AGTR1: variants seen among roughly 807,000 people sequenced by gnomAD.
AGTR1 encodes angiotensin II receptor type 1.
A neutral mutation model predicts 19.4 loss-of-function variants in AGTR1; 16 were observed. The ratio of observed to expected loss-of-function variants is 0.82; its 90% confidence interval spans 0.56 to 1.25. AGTR1 has a LOEUF of 1.25. Among genes scored for constraint, AGTR1 ranks in the 50% most tolerant of loss-of-function variants. The probability of loss-of-function intolerance (pLI) is 0.00; values close to 1 mark genes in which losing one functional copy is unlikely to be tolerated. For missense variants in AGTR1, 373 were observed against 431.9 expected (o/e 0.86, Z 1.21); for synonymous variants, 153 against 154.9 (o/e 0.99, Z 0.09).
At chr3:148,740,507 A>G (rs181224086) in intron 2 of AGTR1, among the ~76,000 whole-genome samples, 65 of 152,328 alleles carry the variant, frequency 4.3e-4, no homozygotes, top group Non-Finnish European at 8.8e-5. Context: ...TAATCTTTAT[A>G]CCTAAGTAAA....
intron 2 of AGTR1, among the ~76,000 whole-genome samples, chr3:148,720,257 A>AAC (rs1418195957): frequency 4.6e-5 from 7 of 151,956 alleles, no homozygotes; most frequent in Admixed American, 2.0e-4. Context: ...ATCAAGCAGA[A>AAC]ACACACACAC....
intron 1 of AGTR1, among the ~76,000 whole-genome samples, chr3:148,700,465 C>T (rs1311074782): frequency 1.3e-5 from 2 of 152,126 alleles, no homozygotes; most frequent in Non-Finnish European, 1.5e-5. Flanking sequence ...GAATTTGTTA[C>T]AGGGACAAAA....
chr3:148,700,535 C>T (rs1712277134), intron 1 of AGTR1, among the ~76,000 whole-genome samples: 1 of 152,106 alleles, frequency 6.6e-6, no homozygotes, highest in African/African-American at 2.4e-5. Flanking sequence ...GCCCTCTAGC[C>T]GCATGCTTAT....
intron 1 of AGTR1, among the ~76,000 whole-genome samples, chr3:148,707,007 G>A (rs1712706236): frequency 6.6e-6 from 1 of 151,756 alleles, no homozygotes; most frequent in African/African-American, 2.4e-5. Context: ...TATTATTATT[G>A]GGACATTTTT....
intron 2 of AGTR1, among the ~76,000 whole-genome samples, chr3:148,708,605 T>C (rs916928574): frequency 6.6e-6 from 1 of 152,176 alleles, no homozygotes; most frequent in Non-Finnish European, 1.5e-5. Context: ...TCTTAGCCTC[T>C]TTACAGGCAT....
chr3:148,720,657 G>A (rs960200329), intron 2 of AGTR1, among the ~76,000 whole-genome samples: 6 of 152,054 alleles, frequency 3.9e-5, no homozygotes, highest in South Asian at 2.1e-4. Context: ...GCCTCGTACC[G>A]GTTTGGCCTA....
intron 2 of AGTR1, among the ~76,000 whole-genome samples, chr3:148,712,129 A>G (rs983903114): frequency 6.6e-6 from 1 of 152,084 alleles, no homozygotes; most frequent in Admixed American, 6.6e-5. Context: ...GCTGACAGGA[A>G]AGGCTTTTAG....
intron 1 of AGTR1, among the ~76,000 whole-genome samples, chr3:148,703,131 C>T (rs953671311): frequency 4.6e-5 from 7 of 152,296 alleles, no homozygotes; most frequent in African/African-American, 1.7e-4. Flanking sequence ...TGGAATCACC[C>T]AGGGGGCATA....
chr3:148,712,531 A>G (rs768782872), intron 2 of AGTR1, among the ~76,000 whole-genome samples: 2 of 152,192 alleles, frequency 1.3e-5, no homozygotes. Flanking sequence ...CTTTTGATCT[A>G]GAGCTTGCAC....
rs149434639 is a variant in AGTR1 at position 148,708,409 on chromosome 3, C to A, written c.-48+382C>A. Among the ~76,000 whole-genome samples the A allele has an allele frequency of 3.9e-3, 595 of 152,114 alleles. 3 individuals are homozygous for A. Among genetic ancestry groups the A allele is most frequent in the African/African-American group, 0.014 (567 of 41,486 alleles). On this transcript the variant is annotated intron_variant, in intron 2 of 2. Coordinates refer to ENST00000349243, the MANE Select transcript of AGTR1 (RefSeq NM_000685.5). ...ACTCTCTTGTCAGCTACTTCCTGGG[C>A]GATTTGGGTTCTTTGATACCCCAGT...
At chr3:148,718,093 T>G (rs1713398877) in intron 2 of AGTR1, among the ~76,000 whole-genome samples, 1 of 152,178 alleles carries the variant, frequency 6.6e-6, no homozygotes, top group Non-Finnish European at 1.5e-5. Flanking sequence ...CTAGACGTCC[T>G]TATGCTTTTA....
intron 1 of AGTR1, among the ~76,000 whole-genome samples, chr3:148,699,163 C>A (rs1377327209): frequency 6.6e-6 from 1 of 152,098 alleles, no homozygotes. Flanking sequence ...CATTTATTTC[C>A]TGTGTCATTC....
chr3:148,702,460 T>C (rs1440119524), intron 1 of AGTR1, among the ~76,000 whole-genome samples: 1 of 152,224 alleles, frequency 6.6e-6, no homozygotes. Flanking sequence ...CTGAGTGATA[T>C]TAGGCCCTGA....
intron 2 of AGTR1, among the ~76,000 whole-genome samples, chr3:148,725,936 G>T (rs1342842418): frequency 6.6e-6 from 1 of 151,964 alleles, no homozygotes; most frequent in East Asian, 1.9e-4. Context: ...AATTAGCTTC[G>T]CACTTCAGCT....
chr3:148,706,997 T>G (rs1274056607), intron 1 of AGTR1, among the ~76,000 whole-genome samples: 1 of 151,904 alleles, frequency 6.6e-6, no homozygotes, highest in African/African-American at 2.4e-5. Flanking sequence ...TATATGTAAA[T>G]ATTATTATTG....
chr3:148,706,362 A>C (rs1712668932), intron 1 of AGTR1, among the ~76,000 whole-genome samples: 1 of 151,992 alleles, frequency 6.6e-6, no homozygotes, highest in Non-Finnish European at 1.5e-5. Context: ...AACAGTGCTA[A>C]AGTTGGTATG....
intron 2 of AGTR1, among the ~76,000 whole-genome samples, chr3:148,733,845 A>G (rs1168715208): frequency 1.3e-5 from 2 of 152,196 alleles, no homozygotes; most frequent in East Asian, 1.9e-4. Context: ...CTTTTCTCCT[A>G]GTCTCTGGAG....
At chr3:148,721,734 G>T (rs888638239) in intron 2 of AGTR1, among the ~76,000 whole-genome samples, 1 of 152,184 alleles carries the variant, frequency 6.6e-6, no homozygotes, top group East Asian at 1.9e-4. Context: ...GTACCAGAGA[G>T]TTGAGAGCTG....
At chr3:148,719,454 G>T (rs965674430) in intron 2 of AGTR1, among the ~76,000 whole-genome samples, 21 of 152,176 alleles carry the variant, frequency 1.4e-4, no homozygotes, top group Admixed American at 1.1e-3. Context: ...GAACAGAGCT[G>T]CTAGATCTCT....
Sources: gnomAD v4.1 joint callset for allele counts (sites outside exome capture counted in the v4.1 genomes callset) on GRCh38, gnomAD v4.1.1 for gene constraint, MANE v1.5 for transcripts, NCBI Gene and HGNC (gene_info 2026-07-23, HGNC 2026-07-21) for gene names.